MTRR: variants seen among roughly 807,000 people sequenced by gnomAD.
MTRR encodes the protein 5-methyltetrahydrofolate-homocysteine methyltransferase reductase.
Under a neutral mutation model 79.2 loss-of-function variants are expected in MTRR, and 63 were observed. The ratio of observed to expected loss-of-function variants is 0.80; its 90% CI spans 0.65 to 0.98. The LOEUF is 0.98. Ranked by LOEUF, MTRR falls within the 50% of genes least tolerant of loss-of-function variation. MTRR has a pLI of 0.00. For synonymous variants in MTRR, 355 were observed against 313.3 expected (o/e 1.13, Z -1.41); for missense variants, 895 against 839.6 (o/e 1.07, Z -0.82).
chr5:7,895,806 G>T lies in MTRR; in HGVS notation c.1630G>T (p.Gly544Cys), dbSNP rs761674695. The T allele has an allele frequency of 1.9e-6, 3 of 1,614,048 alleles. No homozygotes were observed. Among genetic ancestry groups the T allele is most frequent in the East Asian group, 4.5e-5 (2 of 44,862 alleles). The change falls in exon 12 of 15, where the codon GGT becomes TGT. Residue 544 changes from glycine to cysteine, a missense_variant. By Grantham distance (159) the Gly-to-Cys change is radical. Coordinates refer to ENST00000440940, the MANE Select transcript of MTRR (RefSeq NM_002454.3). ...CCCCTCAATCCCCATCATAATGGTG[G>T]GTCCAGGAACCGGCATAGCCCCGTT... ...DDPSIPIIMV[G>C]PGTGIAPFIG...
At position 7,883,242 on chromosome 5, in the gene MTRR, A is replaced by G; in HGVS notation, c.868A>G (p.Ile290Val). 5 of 1,614,268 alleles carry G rather than the reference A, an allele frequency of 3.1e-6. No individual in the cohort carries two copies. The highest frequency in any genetic ancestry group is 4.2e-6 in the Non-Finnish European group (5 of 1,180,044). ...KAVQLTTNDA[I>V]KTTLLVELDI... Reference sequence around the variant, plus strand: ...AGTTCAACTTACTACGAATGATGCCATAAAAACCACTCTGCTGGTAGAATT... The same window carrying G: ...AGTTCAACTTACTACGAATGATGCCGTAAAAACCACTCTGCTGGTAGAATT... Residue 290 changes from isoleucine to valine, a missense_variant, in exon 6 of 15, where the codon ATA (isoleucine) becomes GTA (valine). Physicochemically the swap from Ile to Val is conservative, Grantham distance 29. Transcript: ENST00000440940.
chr5:7,868,477 A>G (rs1200574205), upstream of MTRR, among the ~76,000 whole-genome samples: 2 of 152,206 alleles, frequency 1.3e-5, no homozygotes, highest in African/African-American at 2.4e-5. Context: ...TGTAGCTCTT[A>G]AGGGTGGCCC....
At chr5:7,874,388 A>ATT (rs138453568) in intron 3 of MTRR, among the ~76,000 whole-genome samples, 6 of 150,284 alleles carry the variant, frequency 4.0e-5, no homozygotes, top group African/African-American at 7.3e-5. Flanking sequence ...AGTATTTATA[A>ATT]TTTTTTTTTT....
intron 9 of MTRR, among the ~76,000 whole-genome samples, chr5:7,890,722 A>G (rs1327992337): frequency 6.6e-6 from 1 of 152,244 alleles, no homozygotes; most frequent in Non-Finnish European, 1.5e-5. Context: ...ACTGCTAAAA[A>G]TAAAACATAC....
chr5:7,864,371 T>G (rs1040984171), upstream of MTRR, among the ~76,000 whole-genome samples: 1 of 152,114 alleles, frequency 6.6e-6, no homozygotes, highest in Non-Finnish European at 1.5e-5. Flanking sequence ...ATATTATTTT[T>G]AAAAATGTAA....
At position 7,900,335 on chromosome 5, in the gene MTRR, G is replaced by A; in HGVS notation, c.*277G>A. On this transcript the variant is annotated 3_prime_UTR_variant, in exon 15 of 15. Coordinates refer to ENST00000440940, the MANE Select transcript of MTRR (RefSeq NM_002454.3). ...CTAAGGCAGCCTTCAGTCCCTATCA[G>A]CGCCTCCTTTACTTCCCAGAGAACT... The A allele has an allele frequency of 2.4e-6, 1 of 408,192 alleles. No individual in the cohort carries two copies. The highest frequency in any genetic ancestry group is 4.5e-6 in the Non-Finnish European group (1 of 224,176). The allele number at this position is 408,192 out of a possible 1,614,324, so 25.3% of individuals were successfully genotyped here. A position where few individuals can be genotyped will look rare whatever the true frequency, so the allele number is the denominator to read the frequency against.
At chr5:7,862,829 T>C (rs1270102994) in intron 2 of MTRR, 1 of 1,611,706 alleles carries the variant, frequency 6.2e-7, no homozygotes, top group Non-Finnish European at 8.5e-7. Flanking sequence ...TTACCTATTG[T>C]ATAACAATAG....
chr5:7,891,473 C>A, intron 10 of MTRR, 59 bp downstream of exon 10: 2 of 1,371,034 alleles, frequency 1.5e-6, no homozygotes, highest in Non-Finnish European at 2.1e-6. Flanking sequence ...TAGACTCAGG[C>A]TTCCAGATCA....
At chr5:7,898,172 G>A (rs928090727) in intron 14 of MTRR, among the ~76,000 whole-genome samples, 1 of 152,050 alleles carries the variant, frequency 6.6e-6, no homozygotes, top group African/African-American at 2.4e-5. Flanking sequence ...TCAATAAAGG[G>A]CAGAAATTCT....
chr5:7,861,717 CATTCCTTTGCTTTGCTTTG>C, intron 1 of MTRR: 1 of 1,556,968 alleles, frequency 6.4e-7, no homozygotes. Context: ...TTCCTGTATT[CATTCCTTTGCTTTGCTTTG>C]ATTCCTTCCA....
intron 2 of MTRR, among the ~76,000 whole-genome samples, chr5:7,863,856 G>C (rs372542993): frequency 6.6e-6 from 1 of 151,674 alleles, no homozygotes; most frequent in African/African-American, 2.4e-5. Flanking sequence ...GTTTGTTTTT[G>C]TTTTTGTTTC....
At chr5:7,891,115 A>C (rs1298435689) in intron 9 of MTRR, among the ~76,000 whole-genome samples, 3 of 152,142 alleles carry the variant, frequency 2.0e-5, no homozygotes, top group African/African-American at 7.2e-5. Flanking sequence ...TTGCTTTTAA[A>C]ATTCGCCTTT....
chr5:7,886,773 A>G, intron 8 of MTRR, 70 bp downstream of exon 8: 1 of 1,268,526 alleles, frequency 7.9e-7, no homozygotes, highest in Non-Finnish European at 1.1e-6. Context: ...TTGATTAAAC[A>G]AATTTAGAAT....
chr5:7,869,526 G>T, intron 1 of MTRR: 2 of 356,610 alleles, frequency 5.6e-6, no homozygotes, highest in South Asian at 5.5e-5. Context: ...TAGGGAAACC[G>T]CACTCGGGGA....
intron 1 of MTRR, among the ~76,000 whole-genome samples, chr5:7,852,200 C>T (rs888435651): frequency 1.3e-5 from 2 of 152,134 alleles, no homozygotes; most frequent in South Asian, 2.1e-4. Flanking sequence ...CTGCCTTCTT[C>T]CCCATCCCTG....
At chr5:7,873,614 C>A in intron 3 of MTRR, 88 bp downstream of exon 3, 2 of 1,473,828 alleles carry the variant, frequency 1.4e-6, no homozygotes, top group South Asian at 1.1e-5. Flanking sequence ...GAAGTGTGAT[C>A]ATATAGGTTT....
intron 8 of MTRR, among the ~76,000 whole-genome samples, chr5:7,887,103 G>A (rs1736618197): frequency 1.3e-5 from 2 of 152,112 alleles, no homozygotes; most frequent in African/African-American, 4.8e-5. Context: ...GCTAATGAGA[G>A]CGTAGGATTC....
chr5:7,867,901 A>G (rs778464630), upstream of MTRR: 3 of 1,614,024 alleles, frequency 1.9e-6, no homozygotes, highest in South Asian at 2.2e-5. Flanking sequence ...ACTTTTTACA[A>G]TGGGCATGAT....
intron 4 of MTRR, 41 bp downstream of exon 4, chr5:7,875,416 T>C (rs1748708151): frequency 7.0e-7 from 1 of 1,434,188 alleles, no homozygotes; most frequent in South Asian, 1.1e-5. Context: ...AAGCCCTCTA[T>C]ACATGATGGA....
Sources: allele counts gnomAD v4.1 joint callset (sites outside exome capture counted in the v4.1 genomes callset), GRCh38; gene constraint gnomAD v4.1.1; transcripts MANE v1.5; gene names NCBI Gene and HGNC (gene_info 2026-07-23, HGNC 2026-07-21).